Variants in LRRD1 observed in about 807,000 individuals in gnomAD.
LRRD1 encodes the protein leucine rich repeats and death domain containing 1.
A neutral mutation model predicts 69.5 loss-of-function variants in LRRD1; 49 were observed. The ratio of observed to expected loss-of-function variants is 0.70; its 90% confidence interval spans 0.56 to 0.89. The LOEUF (loss-of-function observed/expected upper bound fraction) is 0.89. LRRD1 is among the 40% of genes least tolerant of loss of function. LRRD1 has a pLI of 0.00. For missense variants in LRRD1, 853 were observed against 956.0 expected (o/e 0.89, Z 1.42); for synonymous variants, 303 against 338.9 (o/e 0.89, Z 1.16).
chr7:92,168,660 G>GAAA (rs61001338), intron 1 of LRRD1, among the ~76,000 whole-genome samples: 1 of 96,970 alleles, frequency 1.0e-5, no homozygotes, highest in African/African-American at 3.6e-5. Flanking sequence ...ACTGAGTGGA[G>GAAA]AAAAAAAAAA....
In LRRD1 at chr7:92,165,115, G is replaced by T. The variant is rs554334321; in HGVS notation, c.88C>A (p.Pro30Thr). The T allele has an allele frequency of 7.1e-6, 11 of 1,551,092 alleles. No individual in the cohort carries two copies. Among genetic ancestry groups the T allele is most frequent in the Admixed American group, 5.9e-5 (3 of 50,946 alleles). ...KESRSQSMKE[P>T]GFIKETSNLI... Reference sequence around the variant, plus strand: ...TTTGATGTTTCTTTAATAAAGCCAGGCTCCTTCATTGACTGTGATCTAGAT... The same window carrying T: ...TTTGATGTTTCTTTAATAAAGCCAGTCTCCTTCATTGACTGTGATCTAGAT... Residue 30 changes from proline to threonine, a missense_variant, in exon 2 of 6, where the codon CCT becomes ACT. This residue lies in a region of LRRD1 where 99 missense variants were observed against 107.0 expected (regional missense o/e 0.92). Coordinates refer to ENST00000458448, the MANE Select transcript of LRRD1 (RefSeq NM_001161528.2).
intron 1 of LRRD1, among the ~76,000 whole-genome samples, chr7:92,175,000 G>A (rs908555409): frequency 2.6e-5 from 4 of 151,980 alleles, no homozygotes; most frequent in African/African-American, 9.7e-5. Context: ...AGGAGGTGGA[G>A]GTTGCAGTGA....
chr7:92,152,514 T>C (rs1400619128), intron 3 of LRRD1, among the ~76,000 whole-genome samples: 1 of 152,154 alleles, frequency 6.6e-6, no homozygotes, highest in Non-Finnish European at 1.5e-5. Flanking sequence ...GAAGTGAGAT[T>C]GATGGTTTGT....
intron 1 of LRRD1, among the ~76,000 whole-genome samples, chr7:92,171,855 G>T (rs937706088): frequency 6.6e-6 from 1 of 152,224 alleles, no homozygotes; most frequent in African/African-American, 2.4e-5. Context: ...TGCAATGATG[G>T]TTCATTCAAC....
intron 1 of LRRD1, among the ~76,000 whole-genome samples, chr7:92,165,857 A>C (rs1473642772): frequency 7.6e-6 from 1 of 130,844 alleles, no homozygotes; most frequent in African/African-American, 3.0e-5. Context: ...GTGAAACTCC[A>C]TCTCAAAAAA....
chr7:92,165,073 A>G lies in LRRD1; in HGVS notation c.130T>C (p.Ser44Pro). The G allele has an allele frequency of 1.3e-6, 2 of 1,551,656 alleles. No homozygotes were observed. Among genetic ancestry groups the G allele is most frequent in the Non-Finnish European group, 1.7e-6 (2 of 1,146,964 alleles). The change falls in exon 2 of 6, where the codon TCT becomes CCT. Residue 44 changes from serine (S) to proline (P), a missense_variant. This residue lies in a region of LRRD1 where 99 missense variants were observed against 107.0 expected (regional missense o/e 0.92). Transcript: ENST00000458448. ...KETSNLINEASDYLEGKSSNQ... is the reference protein window; with the variant it reads ...KETSNLINEAPDYLEGKSSNQ... ...GAAGATTTCCCTTCCAGGTAATCAG[A>G]AGCTTCGTTTATCAAATTTGATGTT...
At position 92,146,131 on chromosome 7, in the gene LRRD1, C is replaced by G; in HGVS notation, c.2348G>C (p.Cys783Ser). 1 of 1,542,538 alleles carries G rather than the reference C, an allele frequency of 6.5e-7. No individual in the cohort carries two copies. Among genetic ancestry groups the G allele is most frequent in the East Asian group, 2.5e-5 (1 of 40,744 alleles). ...TGAGTTTGCCAGGTTTAGTTTTTGA[C>G]ATAAAAATTCAAAATTGGTTTCAGT... is the stretch of plus-strand genomic sequence containing the variant. The part of the protein sequence containing the change: ...NITETNFEFL[C>S]QKLNLANSET... The change falls in exon 5 of 6, where the codon TGT (cysteine) becomes TCT (serine). Residue 783 changes from cysteine (C) to serine (S), a missense_variant. Coordinates refer to ENST00000458448, the MANE Select transcript of LRRD1 (RefSeq NM_001161528.2).
At chr7:92,151,873 C>A (rs1173975177) in intron 3 of LRRD1, among the ~76,000 whole-genome samples, 1 of 150,322 alleles carries the variant, frequency 6.7e-6, no homozygotes, top group Non-Finnish European at 1.5e-5. Flanking sequence ...TGCATGAACC[C>A]GGGAGGCAGA....
At chr7:92,159,245 C>T (rs2131000473) in intron 2 of LRRD1, 42 bp from the exon 3 acceptor site, 1 of 1,202,232 alleles carries the variant, frequency 8.3e-7, no homozygotes, top group Non-Finnish European at 1.1e-6. Context: ...TAAATACATA[C>T]ATATTTGCAT....
In LRRD1 at chr7:92,164,178, G is replaced by A. The variant is rs758212934; in HGVS notation, c.1025C>T (p.Ala342Val). Residue 342 changes from alanine (A) to valine (V), a missense_variant, in exon 2 of 6, where the codon GCT becomes GTT. Physicochemically the swap from Ala to Val is moderately conservative, Grantham distance 64. Transcript: ENST00000458448. ...TTTGAGTAACTGAAAAATTTCTACA[G>A]CCAGAAAGGTAAGCTTATTGTGATC... The part of the protein sequence containing the change: ...LMDHNKLTFL[A>V]VEIFQLLKIK... The A allele has an allele frequency of 6.5e-7, 1 of 1,547,896 alleles. No individual in the cohort carries two copies. Among genetic ancestry groups the A allele is most frequent in the South Asian group, 1.2e-5 (1 of 83,348 alleles).
At chr7:92,142,761 G>C (rs555689513), downstream of LRRD1, 7 of 442,376 alleles carry the variant, frequency 1.6e-5, no homozygotes, top group Non-Finnish European at 2.7e-5. Flanking sequence ...TTAAGGCGGC[G>C]CGTCTGGAGT....
chr7:92,158,086 C>A (rs1584655659), intron 3 of LRRD1, among the ~76,000 whole-genome samples: 1 of 152,124 alleles, frequency 6.6e-6, no homozygotes, highest in African/African-American at 2.4e-5. Context: ...TGATATCTAC[C>A]TCCTGTTACC....
chr7:92,145,119 C>A, intron 5 of LRRD1, 45 bp from the exon 6 acceptor site: 1 of 959,400 alleles, frequency 1.0e-6, no homozygotes, highest in East Asian at 3.4e-5. Flanking sequence ...TATTTATTAA[C>A]GTTTAATATA....
At chr7:92,157,122 C>G (rs1214050123) in intron 3 of LRRD1, among the ~76,000 whole-genome samples, 2 of 150,250 alleles carry the variant, frequency 1.3e-5, no homozygotes, top group Non-Finnish European at 2.9e-5. Flanking sequence ...CCTCAAACTC[C>G]TGGGCTCAAG....
chr7:92,178,048 A>G (rs185302319), intron 1 of LRRD1, among the ~76,000 whole-genome samples: 4 of 152,332 alleles, frequency 2.6e-5, no homozygotes, highest in Admixed American at 2.6e-4. Context: ...GATACACAAC[A>G]TTTTAAAAAT....
intron 3 of LRRD1, among the ~76,000 whole-genome samples, chr7:92,158,214 G>A (rs1379725342): frequency 6.6e-6 from 1 of 152,020 alleles, no homozygotes; most frequent in African/African-American, 2.4e-5. Context: ...TGCTGGCTGG[G>A]CATGGTGGCT....
intron 1 of LRRD1, among the ~76,000 whole-genome samples, chr7:92,165,755 G>C (rs1370528308): frequency 6.6e-6 from 1 of 151,840 alleles, no homozygotes; most frequent in East Asian, 1.9e-4. Flanking sequence ...CAGCTACTGG[G>C]GAGGCTGAGG....
chr7:92,147,217 C>A (rs1477911080), intron 4 of LRRD1, among the ~76,000 whole-genome samples: 2 of 151,908 alleles, frequency 1.3e-5, no homozygotes, highest in Admixed American at 6.6e-5. Context: ...CAGGCATGCG[C>A]CACCACACCC....
rs1789265130 is a variant in LRRD1 at position 92,179,081 on chromosome 7, C to G, written c.-149G>C. The stretch of plus-strand genomic sequence containing the variant: ...CGCGCGCGGTTGAGTCCAGCAATTG[C>G]GAGGACCTCCGCAGGCGCAGCCCAG... On this transcript the variant is annotated 5_prime_UTR_variant, in exon 1 of 6. Transcript: ENST00000458448. 6.6e-6 allele frequency: 1 copy of G among 152,274 alleles called. No individual in the cohort carries two copies. The highest frequency in any genetic ancestry group is 2.4e-5 in the African/African-American group (1 of 41,458). 9.4% of individuals were successfully genotyped at this position (152,274 alleles called of 1,614,324 possible).
Sources: allele counts gnomAD v4.1 joint callset (sites outside exome capture counted in the v4.1 genomes callset), GRCh38; gene constraint gnomAD v4.1.1; regional missense constraint gnomAD v4.1.1; transcripts MANE v1.5; gene names NCBI Gene and HGNC (gene_info 2026-07-23, HGNC 2026-07-21).